Variants in UHRF2 observed in about 807,000 individuals in gnomAD.
The protein encoded by UHRF2 is ubiquitin like with PHD and ring finger domains 2.
In UHRF2, 23 loss-of-function variants were observed where a neutral mutation model predicts 96.8. The ratio of observed to expected loss-of-function variants is 0.24; its 90% CI spans 0.17 to 0.34. The LOEUF is 0.34. Among genes scored for constraint, UHRF2 ranks in the 10% least tolerant of loss-of-function variants. The pLI, the probability that UHRF2 is intolerant of heterozygous loss-of-function variation, is 1.00. For synonymous variants in UHRF2, 385 were observed against 332.6 expected (o/e 1.16, Z -1.72); for missense variants, 685 against 981.5 (o/e 0.70, Z 4.04).
chr9:6,485,073 G>A (rs1011270793), intron 8 of UHRF2, among the ~76,000 whole-genome samples: 18 of 151,940 alleles, frequency 1.2e-4, no homozygotes, highest in Non-Finnish European at 2.4e-4. Context: ...GATTACAGGC[G>A]TGAGCCACCG....
chr9:6,413,378 C>T lies in UHRF2; in HGVS notation c.-113C>T, dbSNP rs1017533645. Reference sequence around the variant, plus strand: ...CCGGTCGGTCCGGTGGGCGCGCTCGCCCGCCTGCCGCTGAGGGCCCGAGCC... The same window carrying T: ...CCGGTCGGTCCGGTGGGCGCGCTCGTCCGCCTGCCGCTGAGGGCCCGAGCC... On this transcript the variant is annotated 5_prime_UTR_variant, in exon 1 of 16. Transcript: ENST00000276893. The T allele has an allele frequency of 3.6e-6, 4 of 1,116,546 alleles. No individual in the cohort carries two copies. Among genetic ancestry groups the T allele is most frequent in the Non-Finnish European group, 4.5e-6 (4 of 890,746 alleles). The allele number at this position is 1,116,546 out of a possible 1,614,324, so 69.2% of individuals were successfully genotyped here.
At chr9:6,435,863 C>T (rs1820819270) in intron 3 of UHRF2, among the ~76,000 whole-genome samples, 1 of 152,168 alleles carries the variant, frequency 6.6e-6, no homozygotes, top group Non-Finnish European at 1.5e-5. Context: ...CCCACCTTGG[C>T]CTCCCAAAAT....
intron 2 of UHRF2, among the ~76,000 whole-genome samples, chr9:6,426,782 C>G (rs1166018983): frequency 6.6e-6 from 1 of 152,092 alleles, no homozygotes; most frequent in Non-Finnish European, 1.5e-5. Flanking sequence ...TGGAATCTCT[C>G]TTTGTTGCCC....
At chr9:6,450,312 C>CT (rs1303804081) in intron 3 of UHRF2, among the ~76,000 whole-genome samples, 1 of 145,966 alleles carries the variant, frequency 6.9e-6, no homozygotes, top group Non-Finnish European at 1.5e-5. Flanking sequence ...CTTCCCCCCC[C>CT]CCCATTTATT....
At chr9:6,457,903 G>T (rs1254973960) in intron 3 of UHRF2, among the ~76,000 whole-genome samples, 1 of 152,098 alleles carries the variant, frequency 6.6e-6, no homozygotes, top group Non-Finnish European at 1.5e-5. Context: ...TGCTGGATTC[G>T]GTTTGCCCGT....
chr9:6,439,055 A>G (rs894435875), intron 3 of UHRF2, among the ~76,000 whole-genome samples: 1 of 152,238 alleles, frequency 6.6e-6, no homozygotes, highest in African/African-American at 2.4e-5. Context: ...TTCAAAAATT[A>G]CAGATACAAA....
chr9:6,484,973 A>T (rs1188820188), intron 8 of UHRF2, among the ~76,000 whole-genome samples: 1 of 151,158 alleles, frequency 6.6e-6, no homozygotes, highest in Non-Finnish European at 1.5e-5. Flanking sequence ...TTGTATTTTT[A>T]GTAGAGATGG....
intron 1 of UHRF2, chr9:6,413,861 G>C: frequency 2.0e-6 from 1 of 492,098 alleles, no homozygotes; most frequent in Non-Finnish European, 3.3e-6. Context: ...GCGCCGCGCG[G>C]GGTCAGAAGT....
At chr9:6,450,132 C>A (rs144774418) in intron 3 of UHRF2, among the ~76,000 whole-genome samples, 2 of 152,268 alleles carry the variant, frequency 1.3e-5, no homozygotes, top group African/African-American at 4.8e-5. Flanking sequence ...AGTGTAACAA[C>A]AAATGTCACA....
chr9:6,485,232 C>A (rs1455758342), intron 8 of UHRF2, among the ~76,000 whole-genome samples: 1 of 152,112 alleles, frequency 6.6e-6, no homozygotes, highest in East Asian at 1.9e-4. Context: ...TCTATAAATA[C>A]AATAAAATAC....
In UHRF2 at chr9:6,497,181, T is replaced by C; in HGVS notation, c.1605-17T>C. 7 of 1,611,028 alleles carry C rather than the reference T, an allele frequency of 4.3e-6. No homozygotes were observed. The highest frequency in any genetic ancestry group is 5.1e-6 in the Non-Finnish European group (6 of 1,178,754). ...AGAAAAATTACATGGTATAAAGACTTCTTTGTTGTTTTTTAGGGCATTGGC... is the reference window on the plus strand; with the variant it reads ...AGAAAAATTACATGGTATAAAGACTCCTTTGTTGTTTTTTAGGGCATTGGC... On this transcript the variant is annotated splice_polypyrimidine_tract_variant and intron_variant, in intron 10 of 15. Transcript: ENST00000276893.
chr9:6,469,569 T>C (rs1418310545), intron 4 of UHRF2, among the ~76,000 whole-genome samples: 1 of 150,810 alleles, frequency 6.6e-6, no homozygotes, highest in African/African-American at 2.4e-5. Context: ...CAGCAGAAGA[T>C]AGGATTAGGA....
intron 5 of UHRF2, among the ~76,000 whole-genome samples, chr9:6,476,795 G>A (rs185330488): frequency 4.6e-5 from 7 of 152,070 alleles, no homozygotes; most frequent in African/African-American, 1.4e-4. Flanking sequence ...GGGTTTCACT[G>A]TGTTGGCCAG....
intron 3 of UHRF2, among the ~76,000 whole-genome samples, chr9:6,458,144 T>C (rs1253348419): frequency 6.6e-6 from 1 of 152,174 alleles, no homozygotes; most frequent in Non-Finnish European, 1.5e-5. Flanking sequence ...GTCCTAGGCT[T>C]TTTTTGGTTG....
chr9:6,460,739 T>C lies in UHRF2; in HGVS notation c.811T>C (p.Leu271=), dbSNP rs201933987. ...CTGGTTTGATGCAGAAATTACCACA[T>C]TGAAGACAATCTCAAGGACCAAAAA... ...GFWFDAEITT[L]KTISRTKKEL... The change falls in exon 4 of 16, where the codon TTG becomes CTG. Residue 271 remains leucine (L), a synonymous_variant. Coordinates refer to ENST00000276893, the MANE Select transcript of UHRF2 (RefSeq NM_152896.3). 13 of 1,613,914 alleles carry C rather than the reference T, an allele frequency of 8.1e-6. No homozygotes were observed. Among genetic ancestry groups the C allele is most frequent in the East Asian group, 2.2e-5 (1 of 44,832 alleles).
At chr9:6,460,014 G>A (rs187752264) in intron 3 of UHRF2, among the ~76,000 whole-genome samples, 43 of 152,264 alleles carry the variant, frequency 2.8e-4, no homozygotes, top group African/African-American at 1.0e-3. Flanking sequence ...TGTAGAGCAA[G>A]AGCTTATGTT....
chr9:6,469,226 A>G (rs1185949593), intron 4 of UHRF2, among the ~76,000 whole-genome samples: 1 of 152,206 alleles, frequency 6.6e-6, no homozygotes, highest in African/African-American at 2.4e-5. Flanking sequence ...AATTGATTTA[A>G]TAACAAATAA....
At chr9:6,454,010 A>C (rs1182158918) in intron 3 of UHRF2, among the ~76,000 whole-genome samples, 1 of 147,896 alleles carries the variant, frequency 6.8e-6, no homozygotes, top group Non-Finnish European at 1.5e-5. Context: ...ATAATAAAAA[A>C]ATACTAATTG....
chr9:6,480,624 A>G (rs2130907394), intron 6 of UHRF2, among the ~76,000 whole-genome samples: 1 of 152,154 alleles, frequency 6.6e-6, no homozygotes, highest in Middle Eastern at 3.4e-3. Flanking sequence ...CATCAGAGAG[A>G]TAATACTTGC....
Sources: allele counts gnomAD v4.1 joint callset (sites outside exome capture counted in the v4.1 genomes callset), GRCh38; gene constraint gnomAD v4.1.1; transcripts MANE v1.5; gene names NCBI Gene and HGNC (gene_info 2026-07-23, HGNC 2026-07-21).